The following IDH3B variants were observed in gnomAD, a reference collection of about 807,000 sequenced individuals.
The protein encoded by IDH3B is isocitrate dehydrogenase (NAD(+)) 3 non-catalytic subunit beta, also known as isocitrate dehydrogenase [NAD] subunit beta, mitochondrial.
Under a neutral mutation model 47.5 loss-of-function variants are expected in IDH3B, and 40 were observed. The observed-to-expected ratio is 0.84, with a 90% confidence interval of 0.65 to 1.10. The LOEUF is 1.10. IDH3B is among the 50% of genes least tolerant of loss of function. The pLI is 0.00. For missense variants in IDH3B, 450 were observed against 505.2 expected (o/e 0.89, Z 1.05); for synonymous variants, 185 against 191.0 (o/e 0.97, Z 0.26).
At position 2,659,316 on chromosome 20, in the gene IDH3B, A is replaced by G. The variant is rs1043024043; in HGVS notation, c.1071+209T>C. 5.3e-6 allele frequency: 8 copies of G among 1,523,034 alleles called. No homozygotes were observed. The African/African-American group carries it at 1.1e-4, about 21-fold the overall frequency. The allele number at this position is 1,523,034 out of a possible 1,614,324, so 94.3% of individuals were successfully genotyped here. A position where few individuals can be genotyped will look rare whatever the true frequency, so the allele number is the denominator to read the frequency against. On this transcript the variant is annotated intron_variant, in intron 11 of 11. Coordinates refer to ENST00000380843, the MANE Select transcript of IDH3B (RefSeq NM_006899.5). ...AAGAGGGAACAGCAGATGGGATCTA[A>G]GAGGCAAAAGAGATCAAGAGGATGA...
At chr20:2,663,146 A>G (rs2086979176) in intron 4 of IDH3B, among the ~76,000 whole-genome samples, 1 of 146,986 alleles carries the variant, frequency 6.8e-6, no homozygotes, top group African/African-American at 2.5e-5. Context: ...AGGGAGGGGA[A>G]AAAAAAAAAA....
In IDH3B at chr20:2,664,125, C is replaced by G; in HGVS notation, c.36+28G>C. ...ACAAACTCTCCGCTCCTTCGCCCGC[C>G]CCTGCCCGACATGTCCCGGGGCCTC... On this transcript the variant is annotated intron_variant, in intron 1 of 11. Coordinates refer to ENST00000380843, the MANE Select transcript of IDH3B (RefSeq NM_006899.5). The G allele has an allele frequency of 1.9e-6, 3 of 1,612,116 alleles. No homozygotes were observed. The South Asian group carries it at 3.3e-5, about 18-fold the overall frequency.
At chr20:2,662,852 G>T (rs1040507694) in intron 4 of IDH3B, among the ~76,000 whole-genome samples, 10 of 152,350 alleles carry the variant, frequency 6.6e-5, no homozygotes, top group African/African-American at 2.2e-4. Flanking sequence ...AGCTACTCAG[G>T]AGGCTGAGGC....
Position 2,663,920 on chromosome 20 carries a change from C to G in IDH3B, c.117+5G>C. ...AAGAGAGACCCCAGCCAGATTCGTG[C>G]ATACCTGGCTCCGCGATGCAGCGTG... On this transcript the variant is annotated splice_donor_5th_base_variant and intron_variant, in intron 2 of 11. Transcript: ENST00000380843. 2 of 1,613,958 alleles carry G rather than the reference C, an allele frequency of 1.2e-6. No individual in the cohort carries two copies. Among genetic ancestry groups the G allele is most frequent in the Non-Finnish European group, 1.7e-6 (2 of 1,179,904 alleles).
Position 2,659,793 on chromosome 20 carries a change from C to A in IDH3B, c.916G>T (p.Gly306Cys), listed in dbSNP as rs886056571. The A allele has an allele frequency of 6.2e-7, 1 of 1,611,594 alleles. No individual in the cohort carries two copies. Among genetic ancestry groups the A allele is most frequent in the Non-Finnish European group, 8.5e-7 (1 of 1,177,704 alleles). The change falls in exon 10 of 12, where the codon GGT becomes TGT. Residue 306 changes from glycine (G) to cysteine (C), a missense_variant and splice_region_variant. Gly to Cys is a radical substitution (Grantham distance 159). Transcript: ENST00000380843. ...GCCTGGGCAAATGGGTGCCGGGCACCCTGTGGAGAGAGGGGCAGGCTAGAC... is the reference window on the plus strand; with the variant it reads ...GCCTGGGCAAATGGGTGCCGGGCACACTGTGGAGAGAGGGGCAGGCTAGAC... ...YSAEYAVFET[G>C]ARHPFAQAVG...
rs2086873390 is a variant in IDH3B, at chr20:2,658,814, G to C, written c.1095C>G (p.Gly365=). The change falls in exon 12 of 12, where the codon GGC becomes GGG. Residue 365 remains glycine (G), a synonymous_variant. Transcript: ENST00000380843. ...VGKVRTRDMG[G]YSTTTDFIKS... is the part of the protein sequence containing the mutation. Reference sequence around the variant, plus strand: ...TGATGAAGTCGGTTGTGGTGCTGTAGCCGCCCATGTCTCGAGTCCGCACCT... The same window carrying C: ...TGATGAAGTCGGTTGTGGTGCTGTACCCGCCCATGTCTCGAGTCCGCACCT... The C allele has an allele frequency of 1.9e-6, 3 of 1,614,074 alleles. No homozygotes were observed. The highest frequency in any genetic ancestry group is 2.5e-6 in the Non-Finnish European group (3 of 1,180,046).
chr20:2,659,395 CAG>C (rs1371314635), intron 11 of IDH3B, 128 bp downstream of exon 11: 1 of 1,554,876 alleles, frequency 6.4e-7, no homozygotes, highest in African/African-American at 1.4e-5. Flanking sequence ...GCAGGGATGT[CAG>C]GGAGCAGATG....
At position 2,660,061 on chromosome 20, in the gene IDH3B, C is replaced by T. The variant is rs1300586392; in HGVS notation, c.884G>A (p.Ser295Asn). 1 of 1,614,000 alleles carries T rather than the reference C, an allele frequency of 6.2e-7. No homozygotes were observed. Among genetic ancestry groups the T allele is most frequent in the Non-Finnish European group, 8.5e-7 (1 of 1,180,024 alleles). The change falls in exon 9 of 12, where the codon AGC (serine) becomes AAC (asparagine). Residue 295 changes from serine to asparagine, a missense_variant. Physicochemically the swap from Ser to Asn is conservative, Grantham distance 46 (BLOSUM62 1). Coordinates refer to ENST00000380843, the MANE Select transcript of IDH3B (RefSeq NM_006899.5). The surrounding 1 kb of genome is among the most constrained non-coding windows in gnomAD (Gnocchi z 5.6). ...AAAGACTGCGTATTCTGCACTATAG[C>T]TCTCACCAGGGACCACACCAGCTCC... Reference protein sequence around the residue: ...VGGAGVVPGESYSAEYAVFET... With the variant: ...VGGAGVVPGENYSAEYAVFET...
chr20:2,658,935 G>A lies in IDH3B; in HGVS notation c.1072-98C>T, dbSNP rs763607134. 169 of 1,570,346 alleles carry A rather than the reference G, an allele frequency of 1.1e-4. 1 individual carries two copies. The Admixed American group carries it at 1.6e-3, about 15-fold the overall frequency. On this transcript the variant is annotated intron_variant, in intron 11 of 11. Coordinates refer to ENST00000380843, the MANE Select transcript of IDH3B (RefSeq NM_006899.5). Reference sequence around the variant, plus strand: ...TTGAGGAAATGGAAGCCAAGAATGCGTGACAGCCAGAAAAAAGGCAATGCA... The same window carrying A: ...TTGAGGAAATGGAAGCCAAGAATGCATGACAGCCAGAAAAAAGGCAATGCA...
intron 4 of IDH3B, among the ~76,000 whole-genome samples, chr20:2,662,522 CAAAAG>C (rs1350494971): frequency 2.0e-5 from 3 of 152,046 alleles, no homozygotes; most frequent in Non-Finnish European, 4.4e-5. Flanking sequence ...GCGCGGAAGA[CAAAAG>C]AAAAGGGGCA....
Position 2,658,621 on chromosome 20 carries a change from GAC to G in IDH3B, c.*128_*129del. 6.2e-7 allele frequency: 1 copy of G among 1,613,382 alleles called. No individual in the cohort carries two copies. The highest frequency in any genetic ancestry group is 1.7e-5 in the Admixed American group (1 of 59,864). ...TGTCCCCTAAGGAAGCCGGCCCAAG[GAC>G]AACCTAGGCTCTACCCAGCAAGGTG... On this transcript the variant is annotated 3_prime_UTR_variant, in exon 12 of 12. Coordinates refer to ENST00000380843, the MANE Select transcript of IDH3B (RefSeq NM_006899.5).
intron 4 of IDH3B, among the ~76,000 whole-genome samples, chr20:2,661,988 A>G (rs1358050275): frequency 6.6e-6 from 1 of 152,202 alleles, no homozygotes; most frequent in African/African-American, 2.4e-5. Flanking sequence ...CAGAGAGGGA[A>G]GAAAACCACA....
chr20:2,659,843 G>A, intron 9 of IDH3B, 50 bp from the exon 10 acceptor site: 1 of 1,488,274 alleles, frequency 6.7e-7, no homozygotes, highest in African/African-American at 1.4e-5. Flanking sequence ...GGAGGGGTAT[G>A]CAGAGGCTTA....
chr20:2,661,177 CTGTGTGTGTGTG>C (rs71329398), intron 4 of IDH3B, among the ~76,000 whole-genome samples: 1 of 150,064 alleles, frequency 6.7e-6, no homozygotes, highest in Admixed American at 6.6e-5. Flanking sequence ...ATTGCATTTT[CTGTGTGTGTGTG>C]TGTGTGTGTG....
chr20:2,660,054 A>G lies in IDH3B; in HGVS notation c.891T>C (p.Ser297=). The G allele has an allele frequency of 6.2e-7, 1 of 1,614,174 alleles. No homozygotes were observed. The highest frequency in any genetic ancestry group is 2.2e-5 in the East Asian group (1 of 44,886). Residue 297 remains serine (S), a synonymous_variant, in exon 9 of 12, where the codon AGT becomes AGC. Transcript: ENST00000380843. This position sits in a 1 kb window ranked among gnomAD's most constrained non-coding sequence, Gnocchi z 5.6. The stretch of plus-strand genomic sequence containing the variant: ...CCGTCTCAAAGACTGCGTATTCTGC[A>G]CTATAGCTCTCACCAGGGACCACAC... ...GAGVVPGESY[S]AEYAVFETGA...
chr20:2,663,483 C>T lies in IDH3B; in HGVS notation c.300G>A (p.Val100=). The stretch of plus-strand genomic sequence containing the variant: ...CTTTGTTCTCCTTCATGGAACTCAG[C>T]ACCTGCTCCAGCTTCTCCTCAGATG... ...NMASEEKLEQ[V]LSSMKENKVA... The change falls in exon 4 of 12, where the codon GTG becomes GTA. Residue 100 remains valine (V), a synonymous_variant. Coordinates refer to ENST00000380843, the MANE Select transcript of IDH3B (RefSeq NM_006899.5). The T allele has an allele frequency of 6.2e-7, 1 of 1,614,218 alleles. No homozygotes were observed. Among genetic ancestry groups the T allele is most frequent in the South Asian group, 1.1e-5 (1 of 91,088 alleles).
In IDH3B at chr20:2,660,640, G is replaced by A; in HGVS notation, c.532-50C>T. 6.2e-7 allele frequency: 1 copy of A among 1,614,054 alleles called. No individual in the cohort carries two copies. The highest frequency in any genetic ancestry group is 8.5e-7 in the Non-Finnish European group (1 of 1,179,984). On this transcript the variant is annotated intron_variant, in intron 6 of 11. Transcript: ENST00000380843. The surrounding 1 kb of genome is among the most constrained non-coding windows in gnomAD (Gnocchi z 5.6). ...AGGTGACACTGGGAAGGGAAACAAG[G>A]AGCTCCACCTCTCTCCCATCTTCAT...
At position 2,658,699 on chromosome 20, in the gene IDH3B, C is replaced by T. The variant is rs141074300; in HGVS notation, c.*52G>A. The T allele has an allele frequency of 4.9e-5, 79 of 1,614,124 alleles. No individual in the cohort carries two copies. In the African/African-American group the frequency reaches 8.9e-4, roughly 18 times the overall value. ...AAGGTCTCTTCCCTGGTACACTGCA[C>T]TGAAGGGTATGGGGAGTGTGGTCCT... On this transcript the variant is annotated 3_prime_UTR_variant, in exon 12 of 12. Coordinates refer to ENST00000380843, the MANE Select transcript of IDH3B (RefSeq NM_006899.5).
chr20:2,659,024 T>A, intron 11 of IDH3B, 187 bp from the exon 12 acceptor site: 1 of 1,455,434 alleles, frequency 6.9e-7, no homozygotes, highest in Non-Finnish European at 9.0e-7. Context: ...TAAGCCACTA[T>A]TAGCTGTGCT....
Sources: allele counts gnomAD v4.1 joint callset (sites outside exome capture counted in the v4.1 genomes callset), GRCh38; gene constraint gnomAD v4.1.1; non-coding constraint Gnocchi (gnomAD v3.1); transcripts MANE v1.5; gene names NCBI Gene and HGNC (gene_info 2026-07-23, HGNC 2026-07-21).